CHD7: variants seen among roughly 807,000 people sequenced by gnomAD.
The protein encoded by CHD7 is chromodomain helicase DNA binding protein 7, also known as ATP-dependent chromatin remodeler CHD7.
A neutral mutation model predicts 307.3 loss-of-function variants in CHD7; 24 were observed. The observed-to-expected ratio is 0.08, with a 90% confidence interval of 0.06 to 0.11. CHD7 has a LOEUF of 0.11. CHD7 is among the 10% of genes least tolerant of loss of function. CHD7 has a pLI of 1.00. For synonymous variants in CHD7, 1,363 were observed against 1,349.9 expected, an observed-to-expected ratio of 1.01 and a Z score of -0.21; for missense variants, 3,106 against 3,727.1, an observed-to-expected ratio of 0.83 and a Z score of 4.34.
intron 21 of CHD7, among the ~76,000 whole-genome samples, chr8:60,844,408 G>A (rs1805110693): frequency 6.6e-6 from 1 of 152,178 alleles, no homozygotes; most frequent in South Asian, 2.1e-4. Context: ...CTTAGAGGTG[G>A]GTTGATGCGG....
intron 1 of CHD7, among the ~76,000 whole-genome samples, chr8:60,714,380 C>T: frequency 7.2e-6 from 1 of 139,816 alleles, no homozygotes; most frequent in Admixed American, 7.4e-5. Context: ...CCCCACCTGG[C>T]CTGACAACAT....
chr8:60,792,949 C>G (rs891593695), intron 3 of CHD7, among the ~76,000 whole-genome samples: 8 of 152,212 alleles, frequency 5.3e-5, no homozygotes, highest in Non-Finnish European at 1.2e-4. Flanking sequence ...CCACAAAACA[C>G]TGCAGCGCAG....
At chr8:60,746,153 C>A (rs1031933885) in intron 2 of CHD7, among the ~76,000 whole-genome samples, 2 of 152,218 alleles carry the variant, frequency 1.3e-5, no homozygotes, top group African/African-American at 4.8e-5. Flanking sequence ...CCTGCCTCAG[C>A]CTCCTGAGTG....
In CHD7 at chr8:60,780,990, T is replaced by C; in HGVS notation, c.1666-10T>C. 6.5e-7 allele frequency: 1 copy of C among 1,529,418 alleles called. No homozygotes were observed. Among genetic ancestry groups the C allele is most frequent in the Non-Finnish European group, 8.7e-7 (1 of 1,144,306 alleles). The allele number at this position is 1,529,418 out of a possible 1,614,324, so 94.7% of individuals were successfully genotyped here. A position where few individuals can be genotyped will look rare whatever the true frequency, so the allele number is the denominator to read the frequency against. ...ATAAACTAATTTCAATTCCTATTTGTGTCTCTCAGCATTCCCCGTCGGAGC... is the reference window on the plus strand; with the variant it reads ...ATAAACTAATTTCAATTCCTATTTGCGTCTCTCAGCATTCCCCGTCGGAGC... On this transcript the variant is annotated splice_polypyrimidine_tract_variant and intron_variant, in intron 2 of 37. Coordinates refer to ENST00000423902, the MANE Select transcript of CHD7 (RefSeq NM_017780.4).
At chr8:60,846,541 C>T (rs1040808761) in intron 23 of CHD7, among the ~76,000 whole-genome samples, 4 of 152,204 alleles carry the variant, frequency 2.6e-5, no homozygotes, top group Non-Finnish European at 5.9e-5. Context: ...GTCCTAGCTT[C>T]GTGTGACCTT....
chr8:60,784,600 T>A (rs1451581790), intron 3 of CHD7, among the ~76,000 whole-genome samples: 1 of 152,206 alleles, frequency 6.6e-6, no homozygotes, highest in Non-Finnish European at 1.5e-5. Context: ...GGCTGGCCGT[T>A]GTCAGGGGCT....
rs754755486 is a variant in CHD7, at chr8:60,741,760, G to A, written c.328G>A (p.Val110Ile). 7.4e-6 allele frequency: 12 copies of A among 1,613,724 alleles called. No homozygotes were observed. Among genetic ancestry groups the A allele is most frequent in the Middle Eastern group, 1.6e-4 (1 of 6,084 alleles). Residue 110 changes from valine (V) to isoleucine (I), a missense_variant, in exon 2 of 38, where the codon GTT (valine) becomes ATT (isoleucine). Physicochemically the swap from Val to Ile is conservative, Grantham distance 29. This residue lies in a region of CHD7 where 998 missense variants were observed against 1,004.5 expected (regional missense o/e 0.99). Coordinates refer to ENST00000423902, the MANE Select transcript of CHD7 (RefSeq NM_017780.4). ...GCACTCGCAGTATCACACCCCTCCC[G>A]TTCCTCAGGTGCCCCATGGTGGCAG... ...SPHSQYHTPP[V>I]PQVPHGGSGG...
chr8:60,680,886 C>T (rs1022563005), intron 1 of CHD7, among the ~76,000 whole-genome samples: 3 of 152,000 alleles, frequency 2.0e-5, no homozygotes, highest in African/African-American at 7.3e-5. Context: ...AAAAAGTGTC[C>T]CTTTTGGGGG....
rs1806288369 is a variant in CHD7, at chr8:60,867,942, T to C, written c.*2009T>C. ...AGTGAAACTAGGTCTGCATGAAGTA[T>C]AGGAAATTTAAGTATTTAAGTAACA... On this transcript the variant is annotated 3_prime_UTR_variant, in exon 38 of 38. Coordinates refer to ENST00000423902, the MANE Select transcript of CHD7 (RefSeq NM_017780.4). 6.6e-6 allele frequency: 1 copy of C among 151,818 alleles called. No homozygotes were observed. Among genetic ancestry groups the C allele is most frequent in the Admixed American group, 6.5e-5 (1 of 15,276 alleles). The allele number at this position is 151,818 out of a possible 1,614,324, so 9.4% of individuals were successfully genotyped here.
chr8:60,713,168 G>C (rs1014843501), intron 1 of CHD7, among the ~76,000 whole-genome samples: 3 of 151,814 alleles, frequency 2.0e-5, no homozygotes, highest in African/African-American at 7.3e-5. Context: ...GCTGGACTCA[G>C]TGGCGCCATC....
chr8:60,820,794 CTG>C (rs1351399944), intron 9 of CHD7, among the ~76,000 whole-genome samples: 2 of 152,154 alleles, frequency 1.3e-5, no homozygotes, highest in Non-Finnish European at 2.9e-5. Context: ...CTTCCAAACT[CTG>C]TGTCATGACA....
chr8:60,685,855 A>C (rs545232487), intron 1 of CHD7, among the ~76,000 whole-genome samples: 98 of 152,318 alleles, frequency 6.4e-4, no homozygotes, highest in Non-Finnish European at 1.2e-3. Flanking sequence ...AAATTATGAA[A>C]ATACAGGACA....
chr8:60,724,315 A>T (rs757399187), intron 1 of CHD7, among the ~76,000 whole-genome samples: 21 of 152,196 alleles, frequency 1.4e-4, no homozygotes, highest in Admixed American at 5.2e-4. Flanking sequence ...AGTATTGTAG[A>T]TCATCAGCTC....
chr8:60,853,899 A>G (rs2150812365), intron 31 of CHD7, among the ~76,000 whole-genome samples: 1 of 152,338 alleles, frequency 6.6e-6, no homozygotes, highest in South Asian at 2.1e-4. Context: ...TTGATTCAGA[A>G]GTAAAGAGTG....
chr8:60,713,760 G>A (rs1807402979), intron 1 of CHD7, among the ~76,000 whole-genome samples: 1 of 152,060 alleles, frequency 6.6e-6, no homozygotes. Context: ...GAGAAGCCAG[G>A]GAAAACGCAT....
At chr8:60,695,158 A>G (rs1364162379) in intron 1 of CHD7, among the ~76,000 whole-genome samples, 1 of 152,214 alleles carries the variant, frequency 6.6e-6, no homozygotes. Context: ...TTTGGAACTT[A>G]GATTTGATCC....
At chr8:60,830,667 A>G (rs1467664616) in intron 15 of CHD7, 90 bp downstream of exon 15, 14 of 1,435,458 alleles carry the variant, frequency 9.8e-6, no homozygotes, top group Middle Eastern at 1.9e-4. Flanking sequence ...TTCATGGTGT[A>G]TAGTCATTCC....
At chr8:60,751,705 G>T (rs1241284566) in intron 2 of CHD7, among the ~76,000 whole-genome samples, 1 of 152,188 alleles carries the variant, frequency 6.6e-6, no homozygotes, top group Non-Finnish European at 1.5e-5. Flanking sequence ...GTTTTATTTT[G>T]TTTTTCCTTC....
intron 1 of CHD7, among the ~76,000 whole-genome samples, chr8:60,680,153 G>A (rs532049231): frequency 1.3e-5 from 2 of 151,926 alleles, no homozygotes; most frequent in African/African-American, 4.8e-5. Context: ...TCACCAGGTG[G>A]CCCCCGAGGT....
Sources: allele counts gnomAD v4.1 joint callset (sites outside exome capture counted in the v4.1 genomes callset), GRCh38; gene constraint gnomAD v4.1.1; regional missense constraint gnomAD v4.1.1; transcripts MANE v1.5; gene names NCBI Gene and HGNC (gene_info 2026-07-23, HGNC 2026-07-21).